Variants in DHRSX observed in about 807,000 individuals in gnomAD.
The protein encoded by DHRSX is polyprenol dehydrogenase.
Under a neutral mutation model 34.0 loss-of-function variants are expected in DHRSX, and 31 were observed. The ratio of observed to expected loss-of-function variants is 0.91; its 90% CI spans 0.69 to 1.23. The LOEUF (loss-of-function observed/expected upper bound fraction) is 1.23. DHRSX is among the 50% of genes most tolerant of loss of function. The probability of loss-of-function intolerance (pLI) is 0.00; values close to 1 mark genes in which losing one functional copy is unlikely to be tolerated. For missense variants in DHRSX, 414 were observed against 428.1 expected, an observed-to-expected ratio of 0.97 and a Z score of 0.29; for synonymous variants, 201 against 183.8, an observed-to-expected ratio of 1.09 and a Z score of -0.76.
intron 4 of DHRSX, among the ~76,000 whole-genome samples, chrX:2,282,474 A>G (rs2041719276): frequency 6.8e-6 from 1 of 147,350 alleles, no homozygotes; most frequent in Admixed American, 6.8e-5. Flanking sequence ...AAGAGAGAGA[A>G]GTGGGACACA....
intron 3 of DHRSX, among the ~76,000 whole-genome samples, chrX:2,402,729 C>A (rs2043501795): frequency 6.6e-6 from 1 of 151,948 alleles, no homozygotes; most frequent in Admixed American, 6.6e-5. Context: ...TGCATGCACA[C>A]ATAGTAGGTG....
chrX:2,327,436 T>G (rs2042400048), intron 3 of DHRSX, among the ~76,000 whole-genome samples: 2 of 152,182 alleles, frequency 1.3e-5, no homozygotes, highest in African/African-American at 4.8e-5. Context: ...AGAGCTACAG[T>G]GATGGCCTGT....
At chrX:2,450,220 C>T in intron 1 of DHRSX, among the ~76,000 whole-genome samples, 1 of 152,086 alleles carries the variant, frequency 6.6e-6, no homozygotes, top group South Asian at 2.1e-4. Context: ...TTTTGGAAGG[C>T]CCACTTGTCA....
At chrX:2,293,196 C>G (rs1057077037) in intron 3 of DHRSX, among the ~76,000 whole-genome samples, 2 of 150,688 alleles carry the variant, frequency 1.3e-5, no homozygotes, top group African/African-American at 4.9e-5. Context: ...CTCTTTCTCT[C>G]TAAATTCCCA....
intron 4 of DHRSX, among the ~76,000 whole-genome samples, chrX:2,268,724 G>A (rs1369674060): frequency 6.6e-6 from 1 of 152,200 alleles, no homozygotes; most frequent in East Asian, 1.9e-4. Flanking sequence ...ATGTGTATCT[G>A]CATACAGTGT....
intron 1 of DHRSX, among the ~76,000 whole-genome samples, chrX:2,445,608 TAC>T (rs1415295298): frequency 1.3e-5 from 2 of 151,860 alleles, no homozygotes; most frequent in African/African-American, 4.8e-5. Context: ...CGCTGCCCTG[TAC>T]ACAAGGAAGA....
intron 2 of DHRSX, among the ~76,000 whole-genome samples, chrX:2,423,009 G>T (rs1179954492): frequency 2.6e-5 from 4 of 151,338 alleles, no homozygotes; most frequent in Admixed American, 6.6e-5. Context: ...CACCATGTTG[G>T]CCAGGCTGGT....
At chrX:2,227,437 C>CAG (rs947617300) in intron 6 of DHRSX, among the ~76,000 whole-genome samples, 9 of 137,932 alleles carry the variant, frequency 6.5e-5, no homozygotes, top group Non-Finnish European at 9.3e-5. Flanking sequence ...AGGAGTGACA[C>CAG]AGAGAGAGAG....
At chrX:2,476,087 T>TTA (rs1286330474) in intron 1 of DHRSX, among the ~76,000 whole-genome samples, 5 of 152,150 alleles carry the variant, frequency 3.3e-5, no homozygotes, top group African/African-American at 1.2e-4. Flanking sequence ...CCAGCACCTC[T>TTA]TATGGAAAGA....
intron 1 of DHRSX, among the ~76,000 whole-genome samples, chrX:2,473,216 CAA>C (rs1569504909): frequency 6.6e-6 from 1 of 152,152 alleles, no homozygotes. Flanking sequence ...AAACCAGAAA[CAA>C]GAGACAGGAA....
intron 4 of DHRSX, among the ~76,000 whole-genome samples, chrX:2,283,044 G>T (rs781424916): frequency 6.6e-6 from 1 of 151,698 alleles, no homozygotes; most frequent in South Asian, 2.1e-4. Flanking sequence ...AAGGAGGAGA[G>T]AGAGACAGAG....
chrX:2,398,110 C>T (rs963007245), intron 3 of DHRSX, among the ~76,000 whole-genome samples: 8 of 152,186 alleles, frequency 5.3e-5, no homozygotes, highest in Non-Finnish European at 1.2e-4. Flanking sequence ...GGCTCGCTTG[C>T]AGACCCTTGT....
intron 1 of DHRSX, among the ~76,000 whole-genome samples, chrX:2,477,156 T>C (rs886122632): frequency 6.6e-6 from 1 of 152,158 alleles, no homozygotes; most frequent in Admixed American, 6.6e-5. Flanking sequence ...TTCCTTTCAA[T>C]GTAGAAGCTG....
chrX:2,314,332 G>GAGGC (rs1449392281), intron 3 of DHRSX, among the ~76,000 whole-genome samples: 9 of 24,308 alleles, frequency 3.7e-4, no homozygotes, highest in Non-Finnish European at 5.7e-4. Flanking sequence ...GGGAAGGAGG[G>GAGGC]AGGGAGGGAA....
chrX:2,262,300 T>A (rs1262576439), intron 5 of DHRSX, among the ~76,000 whole-genome samples: 1 of 152,078 alleles, frequency 6.6e-6, no homozygotes, highest in Non-Finnish European at 1.5e-5. Flanking sequence ...TGCATGGGTG[T>A]GAAAACAGGA....
chrX:2,265,140 T>C (rs776970828), intron 5 of DHRSX, among the ~76,000 whole-genome samples: 1 of 134,106 alleles, frequency 7.5e-6, no homozygotes. Flanking sequence ...CAGGGAGCAC[T>C]GTCCCCAGAG....
In DHRSX at chrX:2,323,455, T is replaced by C. The variant is rs760230470; in HGVS notation, c.287-31852A>G. ...GCCAAGGCAGAAACAAGCATCACTA[T>C]GAACCCCAGAATAGATATGTTTTTT... On this transcript the variant is annotated intron_variant, in intron 3 of 6. Coordinates refer to ENST00000334651, the MANE Select transcript of DHRSX (RefSeq NM_145177.3). Among the ~76,000 whole-genome samples the C allele has an allele frequency of 3.3e-5, 5 of 152,194 alleles. No individual in the cohort carries two copies. In the South Asian group the frequency reaches 1.0e-3, roughly 32 times the overall value.
intron 1 of DHRSX, chrX:2,490,856 G>A (rs2045118675): frequency 7.9e-7 from 1 of 1,269,220 alleles, no homozygotes; most frequent in Non-Finnish European, 1.1e-6. Flanking sequence ...CAGGGTGCCG[G>A]GGCAGCTCCG....
At chrX:2,313,755 G>A (rs1310297332) in intron 3 of DHRSX, among the ~76,000 whole-genome samples, 5 of 152,122 alleles carry the variant, frequency 3.3e-5, no homozygotes, top group African/African-American at 9.7e-5. Context: ...ACCACGGCCC[G>A]TGACACAGCC....
Sources: allele counts gnomAD v4.1 joint callset (sites outside exome capture counted in the v4.1 genomes callset), GRCh38; gene constraint gnomAD v4.1.1; transcripts MANE v1.5; gene names NCBI Gene and HGNC (gene_info 2026-07-23, HGNC 2026-07-21).